The following STAG3 variants were observed in gnomAD, a reference collection of about 807,000 sequenced individuals.
STAG3 encodes STAG3 cohesin complex component, also known as cohesin subunit SA-3.
Under a neutral mutation model 160.7 loss-of-function variants are expected in STAG3, and 101 were observed. The observed-to-expected ratio is 0.63, with a 90% confidence interval of 0.54 to 0.74. The LOEUF (loss-of-function observed/expected upper bound fraction) is 0.74. Ranked by LOEUF, STAG3 falls within the 30% of genes least tolerant of loss-of-function variation. The pLI is 0.00. For synonymous variants in STAG3, 519 were observed against 585.0 expected, an observed-to-expected ratio of 0.89 and a Z score of 1.63; for missense variants, 1,188 against 1,517.4, an observed-to-expected ratio of 0.78 and a Z score of 3.61.
At chr7:100,192,568 G>A (rs146648713) in intron 8 of STAG3, among the ~76,000 whole-genome samples, 19 of 152,236 alleles carry the variant, frequency 1.2e-4, no homozygotes, top group African/African-American at 3.9e-4. Context: ...AATCCTTCCC[G>A]GACGGGGGGT....
intron 8 of STAG3, among the ~76,000 whole-genome samples, chr7:100,193,456 G>GT (rs764485249): frequency 2.6e-5 from 4 of 152,204 alleles, no homozygotes; most frequent in Non-Finnish European, 5.9e-5. Context: ...TTATAAGGCA[G>GT]TTTAGTCCAC....
rs1481765817 is a variant in STAG3, at chr7:100,211,150, GGAA to G, written c.3384_3386del (p.Glu1128del). On this transcript the variant is annotated inframe_deletion, in exon 30 of 34. Transcript: ENST00000615138. Reference sequence around the variant, plus strand: ...CCCTGTGGGGGTTGAAAGAGATGGAGGAAGAAGATGGCTCAGAGTTGGATTTTG... The same window carrying G: ...CCCTGTGGGGGTTGAAAGAGATGGAGGAAGATGGCTCAGAGTTGGATTTTG... 3 of 1,599,454 alleles carry G rather than the reference GGAA, an allele frequency of 1.9e-6. No homozygotes were observed. Among genetic ancestry groups the G allele is most frequent in the African/African-American group, 1.3e-5 (1 of 74,420 alleles).
chr7:100,216,860 G>A (rs942218609), downstream of STAG3, among the ~76,000 whole-genome samples: 2 of 152,168 alleles, frequency 1.3e-5, no homozygotes, highest in Non-Finnish European at 2.9e-5. Flanking sequence ...AAATCAAGTG[G>A]ATTAGGTGCC....
At chr7:100,197,712 C>CT (rs1477124383) in intron 10 of STAG3, 66 bp from the exon 11 acceptor site, 4 of 1,317,024 alleles carry the variant, frequency 3.0e-6, no homozygotes, top group Non-Finnish European at 4.4e-6. Flanking sequence ...AGTCTGGAGG[C>CT]TTAGTAGGGG....
At chr7:100,203,928 T>C (rs1333520299) in intron 25 of STAG3, 93 bp from the exon 26 acceptor site, 6 of 789,634 alleles carry the variant, frequency 7.6e-6, no homozygotes, top group Non-Finnish European at 1.3e-5. Context: ...CCTAAGGGAG[T>C]TTGGGAGGGA....
At position 100,210,118 on chromosome 7, in the gene STAG3, G is replaced by A. The variant is rs544790590; in HGVS notation, c.3239-893G>A. Among the ~76,000 whole-genome samples the A allele has an allele frequency of 5.9e-5, 9 of 152,298 alleles. No individual in the cohort carries two copies. The East Asian group carries it at 1.7e-3, about 29-fold the overall frequency. ...AGAGACTCAAGGGCCCAGCCCTCGGGCATCACACCATTAATAGCTCAGGGA... is the reference window on the plus strand; with the variant it reads ...AGAGACTCAAGGGCCCAGCCCTCGGACATCACACCATTAATAGCTCAGGGA... On this transcript the variant is annotated intron_variant, in intron 29 of 33. Transcript: ENST00000615138.
chr7:100,197,498 G>A (rs568407489), intron 10 of STAG3: 10 of 719,598 alleles, frequency 1.4e-5, no homozygotes, highest in East Asian at 5.3e-5. Context: ...CCTGAGGTAC[G>A]GGGAGAGAGA....
chr7:100,213,897 G>A (rs926420198), intron 33 of STAG3, 91 bp downstream of exon 33: 1 of 1,612,844 alleles, frequency 6.2e-7, no homozygotes, highest in Non-Finnish European at 8.5e-7. Context: ...ATAGCCTGGG[G>A]GTGGCCCTCT....
intron 29 of STAG3, among the ~76,000 whole-genome samples, chr7:100,210,046 G>T (rs1802034067): frequency 6.6e-6 from 1 of 152,186 alleles, no homozygotes; most frequent in Non-Finnish European, 1.5e-5. Flanking sequence ...GATATTTAAG[G>T]ACATGAACGT....
intron 8 of STAG3, among the ~76,000 whole-genome samples, chr7:100,193,117 G>A (rs1410106109): frequency 2.6e-5 from 4 of 152,124 alleles, no homozygotes; most frequent in Admixed American, 1.3e-4. Flanking sequence ...GTCATTGAGC[G>A]GTAATATTTT....
downstream of STAG3, among the ~76,000 whole-genome samples, chr7:100,218,022 G>C (rs1052094450): frequency 1.3e-5 from 2 of 149,806 alleles, no homozygotes; most frequent in African/African-American, 4.9e-5. Context: ...GGGAAAGGGA[G>C]TCTCCCTTTC....
At chr7:100,202,365 T>C in intron 24 of STAG3, 25 bp downstream of exon 24, 1 of 1,612,132 alleles carries the variant, frequency 6.2e-7, no homozygotes, top group Non-Finnish European at 8.5e-7. Context: ...TACCTGGGGC[T>C]CAGTAAGGGC....
At chr7:100,200,065 CAAAAAA>C in intron 16 of STAG3, 165 bp from the exon 17 acceptor site, 12 of 370,646 alleles carry the variant, frequency 3.2e-5, no homozygotes, top group Admixed American at 4.9e-5. Context: ...GACTCCGTCT[CAAAAAA>C]AAAAAAAAAA....
chr7:100,180,663 C>T lies in STAG3; in HGVS notation c.107C>T (p.Thr36Ile), dbSNP rs770743463. The T allele has an allele frequency of 3.8e-6, 6 of 1,592,702 alleles. No homozygotes were observed. The highest frequency in any genetic ancestry group is 2.2e-5 in the East Asian group (1 of 44,828). ...TTTGATGACAGGGACTCAAACCATA[C>T]CTCAGAGGGGTAAGTAGATGTTGCA... ...LPFDDRDSNH[T>I]SEGNGDSLLA... Residue 36 changes from threonine (T) to isoleucine (I), a missense_variant, in exon 2 of 34, where the codon ACC (threonine) becomes ATC (isoleucine). Thr to Ile is a moderately conservative substitution (Grantham distance 89). Coordinates refer to ENST00000615138, the MANE Select transcript of STAG3 (RefSeq NM_001282717.2).
intron 13 of STAG3, 81 bp from the exon 14 acceptor site, chr7:100,198,762 G>C: frequency 1.5e-6 from 2 of 1,338,116 alleles, no homozygotes; most frequent in Non-Finnish European, 2.1e-6. Context: ...TCATCTCCTT[G>C]GGCCATCTCC....
intron 29 of STAG3, among the ~76,000 whole-genome samples, chr7:100,208,834 G>A (rs961523343): frequency 5.3e-5 from 8 of 152,136 alleles, no homozygotes; most frequent in African/African-American, 1.7e-4. Context: ...GAATGCTGGC[G>A]GGGTGGGGAT....
chr7:100,214,385 G>C (rs12056000), downstream of STAG3: 3 of 285,340 alleles, frequency 1.1e-5, no homozygotes. Flanking sequence ...GAATCCACAC[G>C]TTCCCAAGGT....
chr7:100,216,218 G>A (rs1205808299), downstream of STAG3, among the ~76,000 whole-genome samples: 4 of 152,086 alleles, frequency 2.6e-5, no homozygotes, highest in Admixed American at 6.6e-5. Flanking sequence ...AGTCTGGAGG[G>A]GTTTGTTATG....
intron 2 of STAG3, among the ~76,000 whole-genome samples, chr7:100,181,147 C>T (rs541605984): frequency 8.6e-5 from 13 of 151,996 alleles, no homozygotes; most frequent in Non-Finnish European, 1.9e-4. Flanking sequence ...TGGCTAGTGT[C>T]CCCTATTTCT....
Sources: allele counts gnomAD v4.1 joint callset (sites outside exome capture counted in the v4.1 genomes callset), GRCh38; gene constraint gnomAD v4.1.1; transcripts MANE v1.5; gene names NCBI Gene and HGNC (gene_info 2026-07-23, HGNC 2026-07-21).